Variants in EPHA3 observed in about 807,000 individuals in gnomAD.
EPHA3 encodes EPH receptor A3.
EPHA3 carries 42 observed loss-of-function variants against 107.1 expected under a neutral mutation model. The ratio of observed to expected loss-of-function variants is 0.39; its 90% confidence interval spans 0.31 to 0.51. The LOEUF is 0.51. Among genes scored for constraint, EPHA3 ranks in the 20% least tolerant of loss-of-function variants. The pLI is 0.78. For synonymous variants in EPHA3, 461 were observed against 424.8 expected (o/e 1.09, Z -1.05); for missense variants, 1,183 against 1,211.2 (o/e 0.98, Z 0.35).
intron 3 of EPHA3, among the ~76,000 whole-genome samples, chr3:89,281,646 T>G (rs892222958): frequency 6.6e-6 from 1 of 152,192 alleles, no homozygotes; most frequent in Non-Finnish European, 1.5e-5. Flanking sequence ...GTAATTTTAT[T>G]TAAAAAGTAA....
chr3:89,395,875 T>A lies in EPHA3; in HGVS notation c.1345T>A (p.Ser449Thr). 2 of 1,614,088 alleles carry A rather than the reference T, an allele frequency of 1.2e-6. No homozygotes were observed. Among genetic ancestry groups the A allele is most frequent in the Non-Finnish European group, 1.7e-6 (2 of 1,179,970 alleles). Residue 449 changes from serine (S) to threonine (T), a missense_variant, in exon 6 of 17, where the codon TCC (serine) becomes ACC (threonine). By Grantham distance (58) the Ser-to-Thr change is moderately conservative. Transcript: ENST00000336596. ...CCTGACGATTAAGAAAGATCGGACC[T>A]CCAGAAATAGCATCTCTTTGTCCTG... ...PVLTIKKDRT[S>T]RNSISLSWQE... is the part of the protein sequence containing the mutation.
chr3:89,305,892 T>TA (rs1227031230), intron 3 of EPHA3, among the ~76,000 whole-genome samples: 17 of 152,188 alleles, frequency 1.1e-4, no homozygotes, highest in African/African-American at 3.9e-4. Flanking sequence ...TTAAATATCA[T>TA]ACCGAAGTAA....
chr3:89,305,140 T>C (rs892645034), intron 3 of EPHA3, among the ~76,000 whole-genome samples: 7 of 152,224 alleles, frequency 4.6e-5, no homozygotes, highest in East Asian at 3.8e-4. Flanking sequence ...CCATAGATAC[T>C]TGCAATACTT....
chr3:89,430,529 T>C (rs1709545619), intron 12 of EPHA3, among the ~76,000 whole-genome samples: 1 of 152,170 alleles, frequency 6.6e-6, no homozygotes, highest in Admixed American at 6.6e-5. Flanking sequence ...ACATTATCTA[T>C]ACATTTTAAA....
At chr3:89,233,429 C>T (rs1198773347) in intron 3 of EPHA3, among the ~76,000 whole-genome samples, 1 of 152,054 alleles carries the variant, frequency 6.6e-6, no homozygotes, top group Non-Finnish European at 1.5e-5. Flanking sequence ...GCATGAGCAG[C>T]GGGGCTTGCC....
At chr3:89,211,940 T>C (rs1576235215) in intron 3 of EPHA3, among the ~76,000 whole-genome samples, 1 of 151,192 alleles carries the variant, frequency 6.6e-6, no homozygotes, top group Admixed American at 6.6e-5. Context: ...TAAAGGAGGG[T>C]AGAAAGAAAT....
intron 5 of EPHA3, among the ~76,000 whole-genome samples, chr3:89,382,508 C>CAA (rs575357952): frequency 0.011 from 875 of 79,710 alleles, 13 homozygotes; most frequent in African/African-American, 0.04. Flanking sequence ...AATTCCATCT[C>CAA]AAAAAAAAAA....
intron 1 of EPHA3, among the ~76,000 whole-genome samples, chr3:89,109,657 A>C (rs1707054854): frequency 6.6e-6 from 1 of 152,072 alleles, no homozygotes; most frequent in Non-Finnish European, 1.5e-5. Flanking sequence ...TTAATGAAAC[A>C]GAGTTAATCA....
intron 1 of EPHA3, among the ~76,000 whole-genome samples, chr3:89,126,229 C>T (rs1012849108): frequency 6.6e-6 from 1 of 151,688 alleles, no homozygotes; most frequent in African/African-American, 2.4e-5. Flanking sequence ...TGTAACCTTC[C>T]TTCACATCCT....
At chr3:89,472,666 T>C (rs776588936) in intron 16 of EPHA3, 47 bp downstream of exon 16, 6 of 1,316,304 alleles carry the variant, frequency 4.6e-6, no homozygotes, top group Non-Finnish European at 6.3e-6. Context: ...TCTTTTGAAC[T>C]TTCTTGGCTT....
chr3:89,267,006 A>G (rs1480718571), intron 3 of EPHA3, among the ~76,000 whole-genome samples: 3 of 152,130 alleles, frequency 2.0e-5, no homozygotes, highest in Non-Finnish European at 2.9e-5. Flanking sequence ...GAAATTGTCT[A>G]ATGTTTTCTA....
intron 5 of EPHA3, among the ~76,000 whole-genome samples, chr3:89,348,619 G>A (rs1309802759): frequency 2.2e-5 from 3 of 134,910 alleles, no homozygotes; most frequent in South Asian, 2.3e-4. Context: ...ATTTCCTTCA[G>A]TTCTGCTCTG....
chr3:89,196,915 T>G (rs1705849398), intron 2 of EPHA3, among the ~76,000 whole-genome samples: 1 of 152,098 alleles, frequency 6.6e-6, no homozygotes, highest in African/African-American at 2.4e-5. Flanking sequence ...TTCTTCCTAT[T>G]TCCACCAATG....
intron 3 of EPHA3, among the ~76,000 whole-genome samples, chr3:89,244,511 C>G (rs1704986024): frequency 1.3e-5 from 2 of 151,812 alleles, no homozygotes; most frequent in South Asian, 2.1e-4. Flanking sequence ...ATTTTTGAAG[C>G]CAATGTATTT....
At chr3:89,317,660 T>C (rs1706940498) in intron 3 of EPHA3, among the ~76,000 whole-genome samples, 1 of 151,798 alleles carries the variant, frequency 6.6e-6, no homozygotes, top group African/African-American at 2.4e-5. Context: ...ACCTTCCTCA[T>C]TTCCTGCCCC....
intron 7 of EPHA3, among the ~76,000 whole-genome samples, chr3:89,402,366 A>G (rs1222086950): frequency 1.3e-5 from 2 of 152,166 alleles, no homozygotes; most frequent in South Asian, 2.1e-4. Flanking sequence ...CTCCCTCCTC[A>G]TTTATTTAAA....
intron 3 of EPHA3, among the ~76,000 whole-genome samples, chr3:89,335,849 G>A (rs144458525): frequency 1.6e-3 from 236 of 152,194 alleles, no homozygotes; most frequent in African/African-American, 5.6e-3. Context: ...ATTTTTCCAC[G>A]TGTTTGACTG....
chr3:89,253,415 A>C (rs1705208021), intron 3 of EPHA3, among the ~76,000 whole-genome samples: 1 of 152,130 alleles, frequency 6.6e-6, no homozygotes. Flanking sequence ...GTTCTTTTAC[A>C]ATAAAAGAAC....
intron 3 of EPHA3, among the ~76,000 whole-genome samples, chr3:89,225,629 T>C (rs979831746): frequency 6.6e-5 from 10 of 152,158 alleles, no homozygotes; most frequent in African/African-American, 2.2e-4. Flanking sequence ...TACAAATACA[T>C]CCCCTAGGTA....
Sources: gnomAD v4.1 joint callset for allele counts (sites outside exome capture counted in the v4.1 genomes callset) on GRCh38, gnomAD v4.1.1 for gene constraint, MANE v1.5 for transcripts, NCBI Gene and HGNC (gene_info 2026-07-23, HGNC 2026-07-21) for gene names.